The following JARID2 variants were observed in gnomAD, a reference collection of about 807,000 sequenced individuals.
JARID2 encodes jumonji and AT-rich interaction domain containing 2.
In JARID2, 21 loss-of-function variants were observed where a neutral mutation model predicts 125.6. The ratio of observed to expected loss-of-function variants is 0.17; its 90% confidence interval spans 0.12 to 0.24. The LOEUF (loss-of-function observed/expected upper bound fraction) is 0.24. JARID2 is among the 10% of genes least tolerant of loss of function. The pLI, the probability that JARID2 is intolerant of heterozygous loss-of-function variation, is 1.00. For synonymous variants in JARID2, 736 were observed against 661.6 expected (o/e 1.11, Z -1.73); for missense variants, 1,303 against 1,639.6 (o/e 0.79, Z 3.55).
chr6:15,409,121 T>G (rs1265411718), intron 2 of JARID2, among the ~76,000 whole-genome samples: 3 of 152,220 alleles, frequency 2.0e-5, no homozygotes, highest in Non-Finnish European at 4.4e-5. Flanking sequence ...TTATGTATTT[T>G]TTAATCAAAT....
intron 7 of JARID2, among the ~76,000 whole-genome samples, chr6:15,499,877 G>C (rs1438846735): frequency 6.6e-6 from 1 of 152,156 alleles, no homozygotes; most frequent in East Asian, 1.9e-4. Flanking sequence ...TGTGTGTGCT[G>C]TGTCTGCCGA....
intron 16 of JARID2, 101 bp downstream of exon 16, chr6:15,513,523 CCTG>C: frequency 8.7e-7 from 1 of 1,147,558 alleles, no homozygotes; most frequent in Non-Finnish European, 1.2e-6. Flanking sequence ...GCCCAGGAGA[CCTG>C]CTGTGCTCCC....
intron 2 of JARID2, among the ~76,000 whole-genome samples, chr6:15,403,438 TAGTAGC>T (rs1462217395): frequency 1.3e-5 from 2 of 152,184 alleles, no homozygotes; most frequent in African/African-American, 2.4e-5. Flanking sequence ...CCCATTCTAG[TAGTAGC>T]AGTGTTCTGC....
intron 1 of JARID2, among the ~76,000 whole-genome samples, chr6:15,331,316 A>G (rs1482937824): frequency 2.3e-4 from 27 of 118,572 alleles, no homozygotes. Context: ...CCTGGGTGGC[A>G]GAGAGAGAGA....
chr6:15,476,860 A>T (rs1192636440), intron 5 of JARID2, among the ~76,000 whole-genome samples: 1 of 152,196 alleles, frequency 6.6e-6, no homozygotes, highest in Admixed American at 6.5e-5. Flanking sequence ...GATTTTTCTT[A>T]AGCTCTCATA....
In JARID2 at chr6:15,468,630, C is replaced by A; in HGVS notation, c.582C>A (p.Asp194Glu). Residue 194 changes from aspartate to glutamate, a missense_variant, in exon 5 of 18, where the codon GAC becomes GAA. Asp to Glu is a conservative substitution (Grantham distance 45). Around this residue, in one of 11 missense-constraint regions of JARID2, gnomAD observed 651 missense variants for 581.6 expected, o/e 1.12. Coordinates refer to ENST00000341776, the MANE Select transcript of JARID2 (RefSeq NM_004973.4). ...EVEEEDDETEDVKTATNNASS... is the reference protein window; with the variant it reads ...EVEEEDDETEEVKTATNNASS... ...AGGAGGAAGATGATGAGACAGAAGACGTCAAAACAGCCACCAACAATGCTT... is the reference window on the plus strand; with the variant it reads ...AGGAGGAAGATGATGAGACAGAAGAAGTCAAAACAGCCACCAACAATGCTT... The A allele has an allele frequency of 1.9e-6, 3 of 1,614,014 alleles. No individual in the cohort carries two copies. The highest frequency in any genetic ancestry group is 1.6e-4 in the Middle Eastern group (1 of 6,062).
intron 1 of JARID2, among the ~76,000 whole-genome samples, chr6:15,304,978 A>G (rs1201953320): frequency 6.6e-6 from 1 of 151,942 alleles, no homozygotes; most frequent in Non-Finnish European, 1.5e-5. Context: ...GTTATGATGG[A>G]ACATTTAAGA....
chr6:15,479,039 T>A (rs529336571), intron 5 of JARID2, among the ~76,000 whole-genome samples: 8 of 152,330 alleles, frequency 5.3e-5, no homozygotes, highest in Admixed American at 3.3e-4. Context: ...AACGCCATCC[T>A]TTTCTGAGTG....
In JARID2 at chr6:15,501,321, G is replaced by T; in HGVS notation, c.2360G>T (p.Arg787Leu). 1 of 1,609,216 alleles carries T rather than the reference G, an allele frequency of 6.2e-7. No individual in the cohort carries two copies. Among genetic ancestry groups the T allele is most frequent in the Non-Finnish European group, 8.5e-7 (1 of 1,177,294 alleles). ...VGQAQLKTGR[R>L]RLFAQEKEVV... is the part of the protein sequence containing the mutation. ...CAGGCCCAGTTGAAGACTGGCCGGCGGCGACTCTTCGCTCAGGAAAAAGAA... is the reference window on the plus strand; with the variant it reads ...CAGGCCCAGTTGAAGACTGGCCGGCTGCGACTCTTCGCTCAGGAAAAAGAA... Residue 787 changes from arginine to leucine, a missense_variant, in exon 8 of 18, where the codon CGG becomes CTG. Transcript: ENST00000341776.
At chr6:15,300,679 CATGTTGTGTGTGTGTGT>C (rs1411079677) in intron 1 of JARID2, among the ~76,000 whole-genome samples, 1 of 123,942 alleles carries the variant, frequency 8.1e-6, no homozygotes, top group Non-Finnish European at 1.8e-5. Flanking sequence ...CCAGTGTCCT[CATGTTGTGTGTGTGTGT>C]GTGTGTGTGT....
chr6:15,329,193 G>GTTTT (rs1762626762), intron 1 of JARID2, among the ~76,000 whole-genome samples: 10 of 11,196 alleles, frequency 8.9e-4, no homozygotes, highest in Admixed American at 4.5e-3. Context: ...TTTTTTTTTG[G>GTTTT]GGGATTATTT....
intron 2 of JARID2, among the ~76,000 whole-genome samples, chr6:15,385,217 A>G (rs953467049): frequency 2.0e-5 from 3 of 152,168 alleles, no homozygotes; most frequent in African/African-American, 7.2e-5. Context: ...TACTCTGTTT[A>G]GCTCTAGCTG....
chr6:15,246,602 C>T lies in JARID2; in HGVS notation c.45+18C>T. The T allele has an allele frequency of 6.2e-7, 1 of 1,602,298 alleles. No homozygotes were observed. Among genetic ancestry groups the T allele is most frequent in the African/African-American group, 1.3e-5 (1 of 74,826 alleles). On this transcript the variant is annotated intron_variant, in intron 1 of 17. Coordinates refer to ENST00000341776, the MANE Select transcript of JARID2 (RefSeq NM_004973.4). ...AGAAATACGTAAGTGCTCCTAACAA[C>T]ACATCCTTTGACTTGCAGTTTTAAG...
intron 1 of JARID2, among the ~76,000 whole-genome samples, chr6:15,254,759 G>C (rs1003722875): frequency 9.9e-5 from 15 of 152,130 alleles, no homozygotes; most frequent in African/African-American, 3.6e-4. Flanking sequence ...TAGCCACAGG[G>C]CCGGGCGCGG....
intron 3 of JARID2, among the ~76,000 whole-genome samples, chr6:15,451,700 T>C (rs1179425142): frequency 1.3e-5 from 2 of 152,242 alleles, no homozygotes; most frequent in Non-Finnish European, 2.9e-5. Context: ...ATACCGTGTG[T>C]AGTTTTTAAA....
chr6:15,450,083 G>A (rs146354822), intron 3 of JARID2, among the ~76,000 whole-genome samples: 1,752 of 152,220 alleles, frequency 0.012, 23 homozygotes, highest in Non-Finnish European at 0.016. Context: ...AACAGTTTAA[G>A]ATAAATGCTT....
At position 15,397,888 on chromosome 6, in the gene JARID2, G is replaced by A. The variant is rs368981460; in HGVS notation, c.182-12336G>A. ...TTCATGATAGCAATAAACTAGAAGCGCCTTAGATGCCCTTGGACATGAGAA... is the reference window on the plus strand; with the variant it reads ...TTCATGATAGCAATAAACTAGAAGCACCTTAGATGCCCTTGGACATGAGAA... On this transcript the variant is annotated intron_variant, in intron 2 of 17. Coordinates refer to ENST00000341776, the MANE Select transcript of JARID2 (RefSeq NM_004973.4). Among the ~76,000 whole-genome samples the A allele has an allele frequency of 8.5e-5, 13 of 152,252 alleles. No homozygotes were observed. In the South Asian group the frequency reaches 1.2e-3, roughly 15 times the overall value.
intron 1 of JARID2, among the ~76,000 whole-genome samples, chr6:15,282,275 C>T (rs564594917): frequency 6.6e-4 from 98 of 149,064 alleles, no homozygotes; most frequent in African/African-American, 2.3e-3. Flanking sequence ...AAATTTTTTC[C>T]TTCCGAAAAC....
chr6:15,474,319 T>A (rs151300516), intron 5 of JARID2, among the ~76,000 whole-genome samples: 35 of 152,384 alleles, frequency 2.3e-4, no homozygotes, highest in African/African-American at 7.2e-4. Flanking sequence ...CATTGCTACT[T>A]CCTCAACCAT....
Sources: gnomAD v4.1 joint callset for allele counts (sites outside exome capture counted in the v4.1 genomes callset) on GRCh38, gnomAD v4.1.1 for gene constraint, gnomAD v4.1.1 regional missense constraint, MANE v1.5 for transcripts, NCBI Gene and HGNC (gene_info 2026-07-23, HGNC 2026-07-21) for gene names.